PPP2R5E: variants seen among roughly 807,000 people sequenced by gnomAD.
PPP2R5E encodes protein phosphatase 2 regulatory subunit B'epsilon, also known as serine/threonine-protein phosphatase 2A 56 kDa regulatory subunit epsilon isoform.
PPP2R5E carries 4 observed loss-of-function variants against 65.3 expected under a neutral mutation model. That is an observed-to-expected ratio of 0.06 (90% CI 0.03 to 0.14). The LOEUF (loss-of-function observed/expected upper bound fraction) is 0.14. Ranked by LOEUF, PPP2R5E falls within the 10% of genes least tolerant of loss-of-function variation. The pLI, the probability that PPP2R5E is intolerant of heterozygous loss-of-function variation, is 1.00. For synonymous variants in PPP2R5E, 183 were observed against 187.4 expected (o/e 0.98, Z 0.19); for missense variants, 274 against 556.1 (o/e 0.49, Z 5.10).
chr14:63,456,533 T>G (rs1015483849), intron 2 of PPP2R5E, among the ~76,000 whole-genome samples: 1 of 152,254 alleles, frequency 6.6e-6, no homozygotes, highest in Non-Finnish European at 1.5e-5. Flanking sequence ...ATCTAAGCAC[T>G]TATACATATT....
In PPP2R5E at chr14:63,413,666, C is replaced by T. The variant is rs141382706; in HGVS notation, c.549+1474G>A. Among the ~76,000 whole-genome samples the T allele has an allele frequency of 1.5e-3, 229 of 152,288 alleles. 1 individual carries two copies. Among genetic ancestry groups the T allele is most frequent in the African/African-American group, 5.4e-3 (225 of 41,568 alleles). ...TAGACAGCACTATATACATGCAAGGCTTTCCAATACAAAATGTAGATCTAC... is the reference window on the plus strand; with the variant it reads ...TAGACAGCACTATATACATGCAAGGTTTTCCAATACAAAATGTAGATCTAC... On this transcript the variant is annotated intron_variant, in intron 5 of 13. Transcript: ENST00000337537.
intron 2 of PPP2R5E, among the ~76,000 whole-genome samples, chr14:63,521,699 T>C (rs1479376856): frequency 1.3e-5 from 2 of 152,088 alleles, no homozygotes; most frequent in Non-Finnish European, 2.9e-5. Context: ...CAGTTGTAGG[T>C]GGAGTTGGAG....
intron 2 of PPP2R5E, among the ~76,000 whole-genome samples, chr14:63,478,608 C>T (rs1490214056): frequency 6.6e-6 from 1 of 152,010 alleles, no homozygotes; most frequent in Non-Finnish European, 1.5e-5. Flanking sequence ...GAGGGAAAAA[C>T]ATATAATGTC....
At chr14:63,416,716 A>C (rs1430972518) in intron 4 of PPP2R5E, among the ~76,000 whole-genome samples, 2 of 152,010 alleles carry the variant, frequency 1.3e-5, no homozygotes, top group Non-Finnish European at 2.9e-5. Flanking sequence ...CTGAAAAAAA[A>C]AGAAAAAAAA....
rs547177576 is a variant in PPP2R5E at position 63,404,218 on chromosome 14, G to A, written c.550-7502C>T. Among the ~76,000 whole-genome samples, 38 of 152,260 alleles carry A rather than the reference G, an allele frequency of 2.5e-4. No individual in the cohort carries two copies. The South Asian group carries it at 6.4e-3, about 26-fold the overall frequency. On this transcript the variant is annotated intron_variant, in intron 5 of 13. Transcript: ENST00000337537. ...AAAGTCATTAAGAGCAAAAGGTTTC[G>A]AGCAAAACAACCCAGTTGCTCTCTG...
chr14:63,508,224 T>C (rs1892304701), intron 2 of PPP2R5E: 1 of 985,514 alleles, frequency 1.0e-6, no homozygotes, highest in Non-Finnish European at 1.2e-6. Context: ...GGAGCCACTA[T>C]GCACACAAAT....
chr14:63,428,077 G>C (rs755194343), intron 3 of PPP2R5E, among the ~76,000 whole-genome samples: 15 of 151,724 alleles, frequency 9.9e-5, no homozygotes, highest in Admixed American at 5.9e-4. Flanking sequence ...TTTTTTGCCT[G>C]CCAGTGCCAC....
At chr14:63,402,826 A>G (rs1319391460) in intron 5 of PPP2R5E, among the ~76,000 whole-genome samples, 1 of 152,204 alleles carries the variant, frequency 6.6e-6, no homozygotes, top group Non-Finnish European at 1.5e-5. Context: ...GAAGGAAATT[A>G]TCTGAAGAAT....
At chr14:63,485,931 G>A (rs887485083) in intron 2 of PPP2R5E, among the ~76,000 whole-genome samples, 8 of 149,776 alleles carry the variant, frequency 5.3e-5, no homozygotes, top group Admixed American at 2.0e-4. Context: ...CCAGGTTCAA[G>A]TGATTTTCCT....
At chr14:63,501,851 G>A (rs763483018) in intron 2 of PPP2R5E, among the ~76,000 whole-genome samples, 3 of 152,106 alleles carry the variant, frequency 2.0e-5, no homozygotes, top group Non-Finnish European at 2.9e-5. Flanking sequence ...CTCTATTTTT[G>A]CTACTTTGTC....
At chr14:63,533,453 T>C (rs964560827) in intron 2 of PPP2R5E, among the ~76,000 whole-genome samples, 3 of 151,936 alleles carry the variant, frequency 2.0e-5, no homozygotes, top group Non-Finnish European at 4.4e-5. Context: ...CCCAGCTACT[T>C]GGGAGGCTGA....
chr14:63,392,418 T>A (rs953059055), intron 8 of PPP2R5E, among the ~76,000 whole-genome samples: 1 of 152,082 alleles, frequency 6.6e-6, no homozygotes, highest in Non-Finnish European at 1.5e-5. Context: ...TCCACAAGAG[T>A]CCTCTATGGG....
chr14:63,426,375 T>C (rs1018864979), intron 3 of PPP2R5E, among the ~76,000 whole-genome samples: 2 of 151,912 alleles, frequency 1.3e-5, no homozygotes, highest in African/African-American at 2.4e-5. Context: ...CAGTGGAATA[T>C]TGTGCAGCAT....
intron 3 of PPP2R5E, chr14:63,453,238 A>C (rs1566713765): frequency 6.6e-6 from 1 of 152,600 alleles, no homozygotes; most frequent in Admixed American, 6.5e-5. Flanking sequence ...TTAGTTATAA[A>C]GCCCAAGAGA....
At chr14:63,429,620 T>A (rs1887515872) in intron 3 of PPP2R5E, among the ~76,000 whole-genome samples, 1 of 152,208 alleles carries the variant, frequency 6.6e-6, no homozygotes, top group African/African-American at 2.4e-5. Flanking sequence ...CAGGAGGGGC[T>A]AGTAAATGCA....
chr14:63,512,476 A>G (rs1042337421), intron 2 of PPP2R5E, among the ~76,000 whole-genome samples: 1 of 152,226 alleles, frequency 6.6e-6, no homozygotes, highest in African/African-American at 2.4e-5. Flanking sequence ...GATGATCACC[A>G]ATGTTTATAG....
In PPP2R5E at chr14:63,383,769, G is replaced by A. The variant is rs1317682833; in HGVS notation, c.1202+675C>T. 3.3e-5 allele frequency among the ~76,000 whole-genome samples: 5 copies of A among 151,906 alleles called. No individual in the cohort carries two copies. In the East Asian group the frequency reaches 5.8e-4, roughly 18 times the overall value. ...AATTCAGAATGCTTTAACTTTCATA[G>A]GGCTGGATGTTAAACTTCCCTTGAT... On this transcript the variant is annotated intron_variant, in intron 12 of 13. Transcript: ENST00000337537.
intron 3 of PPP2R5E, among the ~76,000 whole-genome samples, chr14:63,435,692 C>T (rs1428758946): frequency 6.6e-6 from 1 of 152,236 alleles, no homozygotes; most frequent in Non-Finnish European, 1.5e-5. Flanking sequence ...CTCCACCTTA[C>T]TGCCCACAAA....
At chr14:63,388,109 G>GCT (rs1379102587) in intron 11 of PPP2R5E, among the ~76,000 whole-genome samples, 1 of 138,776 alleles carries the variant, frequency 7.2e-6, no homozygotes, top group African/African-American at 3.2e-5. Flanking sequence ...TTCTGGTGAT[G>GCT]CTCTTTTTTT....
Sources: allele counts gnomAD v4.1 joint callset (sites outside exome capture counted in the v4.1 genomes callset), GRCh38; gene constraint gnomAD v4.1.1; transcripts MANE v1.5; gene names NCBI Gene and HGNC (gene_info 2026-07-23, HGNC 2026-07-21).